The following JPH3 variants were observed in gnomAD, a reference collection of about 807,000 sequenced individuals.
The protein encoded by JPH3 is junctophilin 3.
A neutral mutation model predicts 59.6 loss-of-function variants in JPH3; 11 were observed. The observed-to-expected ratio is 0.18, with a 90% CI of 0.12 to 0.31. The LOEUF (loss-of-function observed/expected upper bound fraction) is 0.31. Among genes scored for constraint, JPH3 ranks in the 10% least tolerant of loss-of-function variants. JPH3 has a pLI of 1.00. For synonymous variants in JPH3, 673 were observed against 483.6 expected (o/e 1.39, Z -5.14); for missense variants, 1,202 against 1,105.7 (o/e 1.09, Z -1.24).
At chr16:87,639,448 C>G (rs112755984) in intron 1 of JPH3, among the ~76,000 whole-genome samples, 1 of 152,190 alleles carries the variant, frequency 6.6e-6, no homozygotes, top group African/African-American at 2.4e-5. Flanking sequence ...TACACATAAC[C>G]TACAGTGTCC....
At chr16:87,657,888 A>G (rs903420205) in intron 2 of JPH3, among the ~76,000 whole-genome samples, 3 of 152,196 alleles carry the variant, frequency 2.0e-5, no homozygotes, top group East Asian at 1.9e-4. Flanking sequence ...CTGGCTGACA[A>G]TGGGGCTTCA....
At chr16:87,689,550 C>A (rs2033504642) in intron 3 of JPH3, 96 bp from the exon 4 acceptor site, 2 of 1,349,028 alleles carry the variant, frequency 1.5e-6, no homozygotes, top group Admixed American at 2.0e-5. Context: ...CTCTGCTGCC[C>A]TGAGGTTCCC....
chr16:87,695,999 C>T (rs989706692), intron 4 of JPH3: 33 of 455,964 alleles, frequency 7.2e-5, no homozygotes, highest in South Asian at 4.2e-4. Context: ...CAAGGCAGCT[C>T]GCAATTGGAC....
At chr16:87,631,103 A>C (rs539406376) in intron 1 of JPH3, among the ~76,000 whole-genome samples, 1 of 152,176 alleles carries the variant, frequency 6.6e-6, no homozygotes, top group Non-Finnish European at 1.5e-5. Flanking sequence ...TGCAGCTTGC[A>C]CTTGAGCAAA....
At chr16:87,639,802 G>T (rs1027794189) in intron 1 of JPH3, among the ~76,000 whole-genome samples, 2 of 152,192 alleles carry the variant, frequency 1.3e-5, no homozygotes, top group Non-Finnish European at 2.9e-5. Context: ...ACTGCATGAC[G>T]GCCTCAAGGC....
At chr16:87,626,380 G>A (rs767958746) in intron 1 of JPH3, among the ~76,000 whole-genome samples, 61 of 152,242 alleles carry the variant, frequency 4.0e-4, no homozygotes, top group Non-Finnish European at 3.7e-4. Context: ...GCCTCTCTCC[G>A]ACCGCGAGTC....
At chr16:87,648,346 T>C (rs931380138) in intron 2 of JPH3, among the ~76,000 whole-genome samples, 1 of 152,108 alleles carries the variant, frequency 6.6e-6, no homozygotes, top group African/African-American at 2.4e-5. Flanking sequence ...AACCCTCCAC[T>C]GGAGCATGAG....
At chr16:87,613,421 A>G (rs1345881118) in intron 1 of JPH3, among the ~76,000 whole-genome samples, 1 of 149,136 alleles carries the variant, frequency 6.7e-6, no homozygotes, top group East Asian at 2.0e-4. Flanking sequence ...CCCGAGTTCA[A>G]GCCATTCTCC....
chr16:87,652,060 C>T lies in JPH3; in HGVS notation c.1160+7025C>T, dbSNP rs183706114. On this transcript the variant is annotated intron_variant, in intron 2 of 4. Transcript: ENST00000284262. Reference sequence around the variant, plus strand: ...CACGATCTTGGCTCACTGCAAGCTCCGCCTCCCAGGTTCACGCCATTCTCC... The same window carrying T: ...CACGATCTTGGCTCACTGCAAGCTCTGCCTCCCAGGTTCACGCCATTCTCC... Among the ~76,000 whole-genome samples, 13 of 152,240 alleles carry T rather than the reference C, an allele frequency of 8.5e-5. 1 individual carries two copies. The highest frequency in any genetic ancestry group is 1.9e-4 in the East Asian group (1 of 5,178).
rs1363950843 is a variant in JPH3, at chr16:87,696,615, G to C, written c.2202G>C (p.Leu734Phe). 6.2e-7 allele frequency: 1 copy of C among 1,613,506 alleles called. No individual in the cohort carries two copies. The highest frequency in any genetic ancestry group is 8.5e-7 in the Non-Finnish European group (1 of 1,179,946). Residue 734 changes from leucine (L) to phenylalanine (F), a missense_variant, in exon 5 of 5, where the codon TTG becomes TTC. Coordinates refer to ENST00000284262, the MANE Select transcript of JPH3 (RefSeq NM_020655.4). ...SAPILVVMVI[L>F]LNIGVAILFI... ...CTATCCTGGTGGTCATGGTGATCTT[G>C]CTCAACATCGGAGTCGCCATTCTGT... is the stretch of plus-strand genomic sequence containing the variant.
At chr16:87,657,002 C>T (rs1267428564) in intron 2 of JPH3, among the ~76,000 whole-genome samples, 1 of 152,124 alleles carries the variant, frequency 6.6e-6, no homozygotes, top group Non-Finnish European at 1.5e-5. Context: ...GGGCCCCACC[C>T]ATATGGCCTC....
At chr16:87,614,863 C>G (rs2030892901) in intron 1 of JPH3, among the ~76,000 whole-genome samples, 1 of 141,578 alleles carries the variant, frequency 7.1e-6, no homozygotes, top group Non-Finnish European at 1.5e-5. Flanking sequence ...AACGCTGGTC[C>G]CTGCACACAC....
intron 2 of JPH3, among the ~76,000 whole-genome samples, chr16:87,659,886 G>T (rs757491100): frequency 6.6e-6 from 1 of 152,052 alleles, no homozygotes; most frequent in African/African-American, 2.4e-5. Context: ...CCCCTCCCAG[G>T]TTCCCTCCCC....
chr16:87,653,386 G>A (rs906504347), intron 2 of JPH3, among the ~76,000 whole-genome samples: 1 of 152,142 alleles, frequency 6.6e-6, no homozygotes, highest in South Asian at 2.1e-4. Context: ...CAGTGAGTGA[G>A]GGATCCCTGC....
chr16:87,680,746 C>G (rs556928253), intron 2 of JPH3, among the ~76,000 whole-genome samples: 1 of 152,368 alleles, frequency 6.6e-6, no homozygotes, highest in African/African-American at 2.4e-5. Context: ...TCATTTATGA[C>G]AAACCGCTGC....
rs969448993 is a variant in JPH3 at position 87,611,835 on chromosome 16, C to A, written c.382+8307C>A. Among the ~76,000 whole-genome samples, 1 of 152,228 alleles carries A rather than the reference C, an allele frequency of 6.6e-6. No homozygotes were observed. The highest frequency in any genetic ancestry group is 2.4e-5 in the African/African-American group (1 of 41,462). ...GGGACCTCACATTAAGAACCACAGTCCTGGGCTTGTGCCTCCTAAGCCTGG... is the reference window on the plus strand; with the variant it reads ...GGGACCTCACATTAAGAACCACAGTACTGGGCTTGTGCCTCCTAAGCCTGG... On this transcript the variant is annotated intron_variant, in intron 1 of 4. Transcript: ENST00000284262. This position sits in a 1 kb window ranked among gnomAD's most constrained non-coding sequence, Gnocchi z 4.5.
chr16:87,656,406 C>A (rs1001028737), intron 2 of JPH3, among the ~76,000 whole-genome samples: 1 of 152,192 alleles, frequency 6.6e-6, no homozygotes, highest in African/African-American at 2.4e-5. Flanking sequence ...TGTTGGGGGA[C>A]TTACAGAGGG....
chr16:87,661,493 G>A (rs2032701356), intron 2 of JPH3, among the ~76,000 whole-genome samples: 1 of 152,250 alleles, frequency 6.6e-6, no homozygotes. Context: ...CTGAGCATGG[G>A]CTGGACTTTG....
rs147646845 is a variant in JPH3 at position 87,644,424 on chromosome 16, G to A, written c.549G>A (p.Pro183=). 9.2e-5 allele frequency: 149 copies of A among 1,612,036 alleles called. 1 individual carries two copies. The African/African-American group carries it at 1.7e-3, about 18-fold the overall frequency. ...CGGCGCTGCATCCCGACGCCTCTCCGGCGGTGGCCGGCAGCCCGGCCGTGT... is the reference window on the plus strand; with the variant it reads ...CGGCGCTGCATCCCGACGCCTCTCCAGCGGTGGCCGGCAGCCCGGCCGTGT... ...NGTALHPDAS[P]AVAGSPAVSR... Residue 183 remains proline, a synonymous_variant, in exon 2 of 5, where the codon CCG becomes CCA. Coordinates refer to ENST00000284262, the MANE Select transcript of JPH3 (RefSeq NM_020655.4).
Sources: allele counts gnomAD v4.1 joint callset (sites outside exome capture counted in the v4.1 genomes callset), GRCh38; gene constraint gnomAD v4.1.1; non-coding constraint Gnocchi (gnomAD v3.1); transcripts MANE v1.5; gene names NCBI Gene and HGNC (gene_info 2026-07-23, HGNC 2026-07-21).